The following GCA variants were observed in gnomAD, a reference collection of about 807,000 sequenced individuals.
GCA encodes the protein grancalcin.
A neutral mutation model predicts 32.6 loss-of-function variants in GCA; 30 were observed. That is an observed-to-expected ratio of 0.92 (90% confidence interval 0.69 to 1.25). The LOEUF (loss-of-function observed/expected upper bound fraction) is 1.25. GCA is among the 50% of genes most tolerant of loss of function. The pLI, the probability that GCA is intolerant of heterozygous loss-of-function variation, is 0.00. For synonymous variants in GCA, 102 were observed against 84.6 expected (o/e 1.21, Z -1.13); for missense variants, 291 against 266.8 (o/e 1.09, Z -0.63).
At chr2:162,372,204 T>A, downstream of GCA, 2 of 881,806 alleles carry the variant, frequency 2.3e-6, no homozygotes, top group Non-Finnish European at 3.4e-6. Context: ...AATCTATATT[T>A]GATTAGTGAT....
chr2:162,322,668 T>C (rs1683722362), intron 1 of GCA, among the ~76,000 whole-genome samples: 1 of 150,260 alleles, frequency 6.7e-6, no homozygotes, highest in Non-Finnish European at 1.5e-5. Flanking sequence ...TTTGGTTTTT[T>C]GTTCTTGCGA....
intron 1 of GCA, among the ~76,000 whole-genome samples, chr2:162,345,637 AT>A (rs1684664926): frequency 6.6e-6 from 1 of 152,242 alleles, no homozygotes; most frequent in South Asian, 2.1e-4. Flanking sequence ...TTTTCCATGA[AT>A]TTAAAATAAA....
At chr2:162,319,260 A>G (rs2105241115) in intron 1 of GCA, 1 of 456,942 alleles carries the variant, frequency 2.2e-6, no homozygotes. Flanking sequence ...ATAAACAGTT[A>G]ACTTTACTGC....
intron 1 of GCA, among the ~76,000 whole-genome samples, chr2:162,333,965 C>G (rs1205618373): frequency 6.6e-6 from 1 of 152,216 alleles, no homozygotes; most frequent in Non-Finnish European, 1.5e-5. Flanking sequence ...AGGCCAATTA[C>G]TGCCTAAGGC....
At chr2:162,372,571 A>G (rs531684367), downstream of GCA, among the ~76,000 whole-genome samples, 11 of 150,248 alleles carry the variant, frequency 7.3e-5, no homozygotes, top group South Asian at 2.1e-3. Flanking sequence ...CAGTCATTCA[A>G]AACTAGTTAA....
chr2:162,321,530 T>C (rs540771724), intron 1 of GCA, among the ~76,000 whole-genome samples: 2 of 152,286 alleles, frequency 1.3e-5, no homozygotes, highest in East Asian at 1.9e-4. Context: ...GTATCAATAA[T>C]GAGCCTGCTT....
At chr2:162,341,267 T>TTTTATATATA (rs373169689), upstream of GCA, among the ~76,000 whole-genome samples, 2 of 116,256 alleles carry the variant, frequency 1.7e-5, no homozygotes, top group East Asian at 2.4e-4. Context: ...CTTATTTATT[T>TTTTATATATA]TATATATATA....
At chr2:162,331,963 G>A (rs1254765354) in intron 1 of GCA, among the ~76,000 whole-genome samples, 4 of 152,066 alleles carry the variant, frequency 2.6e-5, no homozygotes, top group African/African-American at 7.2e-5. Flanking sequence ...ATTGGCCTGG[G>A]CATTGTCACA....
chr2:162,371,967 A>T, downstream of GCA: 1 of 1,613,910 alleles, frequency 6.2e-7, no homozygotes, highest in African/African-American at 1.3e-5. Context: ...GAAGCTCTAA[A>T]GAGAGATCAC....
At chr2:162,359,850 G>A (rs1347919182) in intron 7 of GCA, among the ~76,000 whole-genome samples, 1 of 151,064 alleles carries the variant, frequency 6.6e-6, no homozygotes, top group Non-Finnish European at 1.5e-5. Flanking sequence ...TTTTTAAAAA[G>A]GGTAGTTTAC....
At chr2:162,359,272 G>A in intron 6 of GCA, 115 bp downstream of exon 6, 2 of 687,560 alleles carry the variant, frequency 2.9e-6, no homozygotes, top group Middle Eastern at 2.5e-4. Flanking sequence ...TTTATTCACT[G>A]TTAAATCTAA....
downstream of GCA, chr2:162,371,922 A>G (rs1364698139): frequency 1.2e-6 from 2 of 1,613,742 alleles, no homozygotes; most frequent in African/African-American, 1.3e-5. Context: ...AAGGATGCCT[A>G]ATTGGATGAA....
At chr2:162,363,787 T>C (rs577695438), downstream of GCA, among the ~76,000 whole-genome samples, 2 of 151,652 alleles carry the variant, frequency 1.3e-5, no homozygotes, top group South Asian at 2.1e-4. Flanking sequence ...AAGAGTCTTA[T>C]ATACTTAGCA....
chr2:162,346,367 A>C (rs1257983970), intron 1 of GCA, among the ~76,000 whole-genome samples: 1 of 152,224 alleles, frequency 6.6e-6, no homozygotes, highest in African/African-American at 2.4e-5. Flanking sequence ...AGCTTTCCCC[A>C]GTCCCATAAT....
In GCA at chr2:162,352,402, A is replaced by T. The variant is rs758193923; in HGVS notation, c.257A>T (p.Tyr86Phe). 17 of 1,552,018 alleles carry T rather than the reference A, an allele frequency of 1.1e-5. No homozygotes were observed. In the Admixed American group the frequency reaches 1.5e-4, roughly 14 times the overall value. The change falls in exon 3 of 8, where the codon TAC (tyrosine) becomes TTC (phenylalanine). Residue 86 changes from tyrosine (Y) to phenylalanine (F), a missense_variant. Coordinates refer to ENST00000437150, the MANE Select transcript of GCA (RefSeq NM_012198.5). ...ACACAGTCTGGAATTAATGGAACTT[A>T]CTCTCGTGAGATCTTTTTTCCCCTT... ...CLTQSGINGT[Y>F]SPFSLETCRI...
chr2:162,358,114 C>G (rs922365806), intron 5 of GCA, among the ~76,000 whole-genome samples: 1 of 151,380 alleles, frequency 6.6e-6, no homozygotes, highest in African/African-American at 2.4e-5. Flanking sequence ...TGGTTGTTTT[C>G]ACCTTTGAAT....
chr2:162,370,685 G>T (rs943654686), intron 4 of GCA, among the ~76,000 whole-genome samples: 10 of 152,206 alleles, frequency 6.6e-5, no homozygotes, highest in Admixed American at 4.6e-4. Context: ...ATTAGACATG[G>T]AATAACATAT....
intron 3 of GCA, among the ~76,000 whole-genome samples, chr2:162,354,798 C>CT (rs1685182265): frequency 6.6e-6 from 1 of 152,140 alleles, no homozygotes; most frequent in African/African-American, 2.4e-5. Flanking sequence ...CTCTTTTTCT[C>CT]TAAAGTTTTA....
chr2:162,371,914 G>T, downstream of GCA: 2 of 1,613,756 alleles, frequency 1.2e-6, no homozygotes, highest in Non-Finnish European at 8.5e-7. Context: ...TGGCAAAGAA[G>T]GATGCCTAAT....
Sources: allele counts gnomAD v4.1 joint callset (sites outside exome capture counted in the v4.1 genomes callset), GRCh38; gene constraint gnomAD v4.1.1; transcripts MANE v1.5; gene names NCBI Gene and HGNC (gene_info 2026-07-23, HGNC 2026-07-21).